Variants in LRMDA observed in about 807,000 individuals in gnomAD.
The protein encoded by LRMDA is leucine rich melanocyte differentiation associated, also known as leucine-rich melanocyte differentiation-associated protein.
A neutral mutation model predicts 29.8 loss-of-function variants in LRMDA; 18 were observed. The ratio of observed to expected loss-of-function variants is 0.60; its 90% CI spans 0.42 to 0.90. LRMDA has a LOEUF of 0.90. LRMDA is among the 40% of genes least tolerant of loss of function. The probability of loss-of-function intolerance (pLI) is 0.00; values close to 1 mark genes in which losing one functional copy is unlikely to be tolerated. For missense variants in LRMDA, 273 were observed against 273.9 expected, an observed-to-expected ratio of 1.00 and a Z score of 0.02; for synonymous variants, 125 against 109.4, an observed-to-expected ratio of 1.14 and a Z score of -0.89.
intron 2 of LRMDA, among the ~76,000 whole-genome samples, chr10:75,663,655 C>T (rs973023868): frequency 6.6e-6 from 1 of 152,214 alleles, no homozygotes; most frequent in African/African-American, 2.4e-5. Context: ...GTAGCACCAG[C>T]TCACCCTCTC....
intron 2 of LRMDA, among the ~76,000 whole-genome samples, chr10:75,527,496 T>C (rs1845426667): frequency 6.6e-6 from 1 of 151,952 alleles, no homozygotes; most frequent in African/African-American, 2.4e-5. Flanking sequence ...CATTTTATAT[T>C]CCCACCAGTA....
chr10:75,877,487 G>T (rs1336050166), intron 2 of LRMDA, among the ~76,000 whole-genome samples: 2 of 152,226 alleles, frequency 1.3e-5, no homozygotes, highest in Non-Finnish European at 2.9e-5. Flanking sequence ...GGGTGGCATG[G>T]ATCACACTGT....
At chr10:76,487,425 A>G (rs1842793074) in intron 6 of LRMDA, among the ~76,000 whole-genome samples, 1 of 151,884 alleles carries the variant, frequency 6.6e-6, no homozygotes, top group South Asian at 2.1e-4. Flanking sequence ...GAACTGATTA[A>G]CCCTTGAAGG....
rs902232187 is a variant in LRMDA at position 76,327,915 on chromosome 10, A to G, written c.601+3430A>G. Reference sequence around the variant, plus strand: ...AGATAGTTGATTATTTTAATGTTGTAGTTTTCAAGCATTGGCGGTTTGACG... The same window carrying G: ...AGATAGTTGATTATTTTAATGTTGTGGTTTTCAAGCATTGGCGGTTTGACG... On this transcript the variant is annotated intron_variant, in intron 6 of 6. Transcript: ENST00000611255. 1.9e-4 allele frequency among the ~76,000 whole-genome samples: 29 copies of G among 152,328 alleles called. No individual in the cohort carries two copies. In the East Asian group the frequency reaches 2.3e-3, roughly 12 times the overall value.
intron 5 of LRMDA, among the ~76,000 whole-genome samples, chr10:76,201,119 G>A (rs531317869): frequency 7.6e-5 from 11 of 143,990 alleles, no homozygotes; most frequent in African/African-American, 2.9e-4. Flanking sequence ...ATATTTAGAC[G>A]GAGTTTCGCT....
rs138185590 is a variant in LRMDA at position 76,274,429 on chromosome 10, G to A, written c.517-49972G>A. 1.2e-3 allele frequency among the ~76,000 whole-genome samples: 189 copies of A among 152,288 alleles called. No homozygotes were observed. The Middle Eastern group carries it at 0.034, about 27-fold the overall frequency. On this transcript the variant is annotated intron_variant, in intron 5 of 6. Coordinates refer to ENST00000611255, the MANE Select transcript of LRMDA (RefSeq NM_001305581.2). ...TTTAAAAAAGTGAGCAGGTCAATAA[G>A]AATACAATGATTTCTGTAGACTGGT...
chr10:76,208,232 GT>G (rs928408980), intron 5 of LRMDA, among the ~76,000 whole-genome samples: 1 of 152,068 alleles, frequency 6.6e-6, no homozygotes, highest in African/African-American at 2.4e-5. Flanking sequence ...ATGTTACCGA[GT>G]TTTTTTAAAA....
intron 5 of LRMDA, among the ~76,000 whole-genome samples, chr10:76,300,697 C>T (rs1261288223): frequency 1.3e-5 from 2 of 152,206 alleles, no homozygotes; most frequent in Non-Finnish European, 2.9e-5. Context: ...ATTGACTTAT[C>T]TCATTTCCTC....
At chr10:75,856,642 TA>T (rs1413823887) in intron 2 of LRMDA, among the ~76,000 whole-genome samples, 2 of 152,226 alleles carry the variant, frequency 1.3e-5, no homozygotes, top group Non-Finnish European at 2.9e-5. Flanking sequence ...TGCTTCATGC[TA>T]AAAACTCTCA....
intron 2 of LRMDA, among the ~76,000 whole-genome samples, chr10:75,680,492 C>CATAT (rs775225050): frequency 4.0e-5 from 6 of 150,308 alleles, no homozygotes; most frequent in African/African-American, 9.7e-5. Context: ...CTTTACTTTT[C>CATAT]ATATATATAT....
chr10:76,243,826 T>C (rs754601719), intron 5 of LRMDA, among the ~76,000 whole-genome samples: 3 of 152,088 alleles, frequency 2.0e-5, no homozygotes, highest in African/African-American at 4.8e-5. Flanking sequence ...CCAAAATATA[T>C]CGCTCCATCC....
chr10:75,755,619 G>A (rs1843022293), intron 2 of LRMDA, among the ~76,000 whole-genome samples: 1 of 152,242 alleles, frequency 6.6e-6, no homozygotes, highest in Admixed American at 6.5e-5. Context: ...TGTTTAAGCT[G>A]AGATCTGAGT....
intron 2 of LRMDA, among the ~76,000 whole-genome samples, chr10:75,734,291 T>A (rs904490443): frequency 6.6e-6 from 1 of 152,060 alleles, no homozygotes; most frequent in South Asian, 2.1e-4. Context: ...GAGAATGAAA[T>A]CACACATGGG....
At chr10:76,171,506 G>A (rs1429624605) in intron 5 of LRMDA, among the ~76,000 whole-genome samples, 2 of 152,188 alleles carry the variant, frequency 1.3e-5, no homozygotes, top group Non-Finnish European at 2.9e-5. Context: ...TGAGTGGTTA[G>A]GCTGGGTTCA....
intron 6 of LRMDA, among the ~76,000 whole-genome samples, chr10:76,395,703 C>T (rs1841775939): frequency 6.6e-6 from 1 of 152,224 alleles, no homozygotes; most frequent in Non-Finnish European, 1.5e-5. Context: ...TCTAGCCAGA[C>T]TGTCAAATTA....
At chr10:76,381,886 A>G (rs1290877548) in intron 6 of LRMDA, among the ~76,000 whole-genome samples, 1 of 152,234 alleles carries the variant, frequency 6.6e-6, no homozygotes, top group Non-Finnish European at 1.5e-5. Context: ...CACCCAGAAT[A>G]CTAGAACAAG....
intron 2 of LRMDA, among the ~76,000 whole-genome samples, chr10:75,801,578 A>G (rs573223958): frequency 4.8e-4 from 73 of 152,266 alleles, no homozygotes; most frequent in African/African-American, 1.7e-3. Flanking sequence ...TGCCTCCTAC[A>G]TGAGGGTCTA....
At chr10:75,452,573 G>A (rs1325133413) in intron 2 of LRMDA, among the ~76,000 whole-genome samples, 1 of 47,084 alleles carries the variant, frequency 2.1e-5, no homozygotes. Flanking sequence ...TTCAGGATAT[G>A]ACTTTTTTTT....
At chr10:75,517,832 T>C (rs1329948732) in intron 2 of LRMDA, among the ~76,000 whole-genome samples, 2 of 152,222 alleles carry the variant, frequency 1.3e-5, no homozygotes, top group African/African-American at 4.8e-5. Context: ...ATACTGGCTA[T>C]GGGTTTGTCA....
Sources: allele counts gnomAD v4.1 joint callset (sites outside exome capture counted in the v4.1 genomes callset), GRCh38; gene constraint gnomAD v4.1.1; transcripts MANE v1.5; gene names NCBI Gene and HGNC (gene_info 2026-07-23, HGNC 2026-07-21).